TMPRSS4: variants seen among roughly 807,000 people sequenced by gnomAD.
TMPRSS4 encodes transmembrane protease serine 4.
A neutral mutation model predicts 56.4 loss-of-function variants in TMPRSS4; 45 were observed. That is an observed-to-expected ratio of 0.80 (90% CI 0.63 to 1.02). TMPRSS4 has a LOEUF of 1.02. Ranked by LOEUF, TMPRSS4 falls within the 50% of genes least tolerant of loss-of-function variation. TMPRSS4 has a pLI of 0.00. For missense variants in TMPRSS4, 546 were observed against 556.7 expected (o/e 0.98, Z 0.19); for synonymous variants, 205 against 211.0 (o/e 0.97, Z 0.25).
intron 10 of TMPRSS4, 53 bp downstream of exon 10, chr11:118,114,980 C>A: frequency 1.3e-6 from 2 of 1,557,066 alleles, no homozygotes; most frequent in Non-Finnish European, 8.7e-7. Flanking sequence ...TATGAGGGAG[C>A]AGCTTCCAGA....
chr11:118,112,824 C>CTTT (rs5795113), intron 8 of TMPRSS4, among the ~76,000 whole-genome samples: 11 of 128,452 alleles, frequency 8.6e-5, no homozygotes, highest in Admixed American at 1.6e-4. Context: ...TTTTTAACCA[C>CTTT]TTTTTTTTTT....
intron 1 of TMPRSS4, among the ~76,000 whole-genome samples, 199 bp from the exon 2 acceptor site, chr11:118,094,605 TTAAGTAAACTAA>T (rs1299118322): frequency 1.3e-5 from 2 of 152,214 alleles, no homozygotes; most frequent in Non-Finnish European, 2.9e-5. Flanking sequence ...TTGCTACTAG[TTAAGTAAACTAA>T]TAAGTAAACT....
chr11:118,119,329 G>A lies in TMPRSS4; in HGVS notation c.*1416G>A. ...CCTACATGAAGCAGGGATAACTGAT[G>A]GCAGTAAATGTGGTCTCAAATTGCA... is the stretch of plus-strand genomic sequence containing the variant. On this transcript the variant is annotated 3_prime_UTR_variant, in exon 13 of 13. Coordinates refer to ENST00000437212, the MANE Select transcript of TMPRSS4 (RefSeq NM_019894.4). The A allele has an allele frequency of 2.0e-6, 2 of 985,370 alleles. No homozygotes were observed. Among genetic ancestry groups the A allele is most frequent in the Non-Finnish European group, 1.2e-6 (1 of 829,922 alleles). The allele number at this position is 985,370 out of a possible 1,614,324, so 61.0% of individuals were successfully genotyped here. A position where few individuals can be genotyped will look rare whatever the true frequency, so the allele number is the denominator to read the frequency against.
At chr11:118,099,173 C>T (rs1301808489) in intron 3 of TMPRSS4, 75 bp downstream of exon 3, 158 of 1,244,584 alleles carry the variant, frequency 1.3e-4, no homozygotes, top group Non-Finnish European at 1.7e-4. Flanking sequence ...CGCACTCACC[C>T]CTGAATAAGT....
rs948369610 is a variant in TMPRSS4 at position 118,117,218 on chromosome 11, C to T, written c.1153-87C>T. Reference sequence around the variant, plus strand: ...GAGAGCAGCAGGGAGTGCAGGGGAACAGATAGGCCAGTTCAGGGAGCAGAG... The same window carrying T: ...GAGAGCAGCAGGGAGTGCAGGGGAATAGATAGGCCAGTTCAGGGAGCAGAG... On this transcript the variant is annotated intron_variant, in intron 11 of 12. Coordinates refer to ENST00000437212, the MANE Select transcript of TMPRSS4 (RefSeq NM_019894.4). 2.2e-6 allele frequency: 3 copies of T among 1,360,796 alleles called. No individual in the cohort carries two copies. In the African/African-American group the frequency reaches 4.3e-5, roughly 19 times the overall value. The allele number at this position is 1,360,796 out of a possible 1,614,324, so 84.3% of individuals were successfully genotyped here.
chr11:118,118,453 T>C lies in TMPRSS4; in HGVS notation c.*540T>C, dbSNP rs1947678831. ...TTATTAAAGAGCTGTGTAACATCTCTGGCATAGGCTAGCTGGAATGCTTGA... is the reference window on the plus strand; with the variant it reads ...TTATTAAAGAGCTGTGTAACATCTCCGGCATAGGCTAGCTGGAATGCTTGA... On this transcript the variant is annotated 3_prime_UTR_variant, in exon 13 of 13. Transcript: ENST00000437212. 1.8e-5 allele frequency: 18 copies of C among 986,734 alleles called. No individual in the cohort carries two copies. Among genetic ancestry groups the C allele is most frequent in the Non-Finnish European group, 2.2e-5 (18 of 830,912 alleles). 61.1% of individuals were successfully genotyped at this position (986,734 alleles called of 1,614,324 possible).
At chr11:118,086,848 G>C (rs1235344031) in intron 1 of TMPRSS4, 1 of 152,884 alleles carries the variant, frequency 6.5e-6, no homozygotes, top group Non-Finnish European at 1.5e-5. Context: ...GGACACAGCT[G>C]CTTGCCGTTG....
intron 1 of TMPRSS4, 28 bp downstream of exon 1, chr11:118,077,333 A>G: frequency 6.3e-7 from 1 of 1,589,018 alleles, no homozygotes; most frequent in South Asian, 1.1e-5. Flanking sequence ...TGCTCCCAAG[A>G]CACAGGAAGG....
At position 118,108,964 on chromosome 11, in the gene TMPRSS4, C is replaced by T. The variant is rs13377322; in HGVS notation, c.583+68C>T. 2.3e-3 allele frequency: 3,525 copies of T among 1,552,148 alleles called. 88 individuals carry two copies. In the African/African-American group the frequency reaches 0.043, roughly 19 times the overall value. On this transcript the variant is annotated intron_variant, in intron 7 of 12. Coordinates refer to ENST00000437212, the MANE Select transcript of TMPRSS4 (RefSeq NM_019894.4). The stretch of plus-strand genomic sequence containing the variant: ...AATGAGCAGGGAGGAAGACCTTCAT[C>T]TTCACTCCTAAATTTCTGGGACTCC...
At position 118,113,381 on chromosome 11, in the gene TMPRSS4, C is replaced by A. The variant is rs757761926; in HGVS notation, c.856C>A (p.Pro286Thr). The A allele has an allele frequency of 1.2e-6, 2 of 1,614,152 alleles. No individual in the cohort carries two copies. Among genetic ancestry groups the A allele is most frequent in the East Asian group, 4.5e-5 (2 of 44,878 alleles). The change falls in exon 9 of 13, where the codon CCC (proline) becomes ACC (threonine). Residue 286 changes from proline (P) to threonine (T), a missense_variant. Coordinates refer to ENST00000437212, the MANE Select transcript of TMPRSS4 (RefSeq NM_019894.4). ...IIIIEFNPMY[P>T]KDNDIALMKL... ...CATCATTGAATTCAACCCCATGTAC[C>A]CCAAAGACAATGACATCGCCCTCAT... is the stretch of plus-strand genomic sequence containing the variant.
rs756590933 is a variant in TMPRSS4, at chr11:118,111,934, C to T, written c.743+34C>T. 8.2e-6 allele frequency: 13 copies of T among 1,588,858 alleles called. No homozygotes were observed. In the African/African-American group the frequency reaches 1.4e-4, roughly 17 times the overall value. On this transcript the variant is annotated intron_variant, in intron 8 of 12. Transcript: ENST00000437212. ...CCAGCTGTAAGGAGGTCTCTGGGGA[C>T]CAAGGCCAGTCAGGGACCAGAGAGC...
intron 1 of TMPRSS4, among the ~76,000 whole-genome samples, chr11:118,081,457 G>A (rs979414364): frequency 6.6e-5 from 10 of 152,206 alleles, no homozygotes; most frequent in Admixed American, 5.2e-4. Context: ...ATGGAAAACC[G>A]CAACAGTCCT....
At chr11:118,105,103 C>G (rs901432112) in intron 5 of TMPRSS4, among the ~76,000 whole-genome samples, 2 of 151,742 alleles carry the variant, frequency 1.3e-5, no homozygotes, top group African/African-American at 4.9e-5. Context: ...ACACACACTT[C>G]TAGCGTCTAT....
chr11:118,107,528 C>T, intron 5 of TMPRSS4: 1 of 367,582 alleles, frequency 2.7e-6, no homozygotes, highest in Non-Finnish European at 4.9e-6. Flanking sequence ...TTTGGATTCC[C>T]CACCCAAGAA....
At chr11:118,122,707 C>T (rs1941636), downstream of TMPRSS4, among the ~76,000 whole-genome samples, 93,817 of 152,028 alleles carry the variant, frequency 0.62, 29,006 homozygotes, top group South Asian at 0.72. Flanking sequence ...AGATGAATGA[C>T]AGGAAGCCAT....
chr11:118,083,782 G>A (rs1289191110), intron 1 of TMPRSS4, among the ~76,000 whole-genome samples: 2 of 152,140 alleles, frequency 1.3e-5, no homozygotes, highest in Non-Finnish European at 2.9e-5. Flanking sequence ...TTGGCTGGGT[G>A]CAGTGGCTCA....
chr11:118,111,784 G>A lies in TMPRSS4; in HGVS notation c.627G>A (p.Glu209=), dbSNP rs371330521. The A allele has an allele frequency of 2.3e-5, 37 of 1,603,958 alleles. No homozygotes were observed. The African/African-American group carries it at 4.6e-4, about 20-fold the overall frequency. ...SLKTPRVVGV[E]EASVDSWPWQ... ...AGACCCCCCGTGTGGTGGGTGTGGAGGAGGCCTCTGTGGATTCTTGGCCTT... is the reference window on the plus strand; with the variant it reads ...AGACCCCCCGTGTGGTGGGTGTGGAAGAGGCCTCTGTGGATTCTTGGCCTT... The change falls in exon 8 of 13, where the codon GAG becomes GAA. Residue 209 remains glutamate, a synonymous_variant. Coordinates refer to ENST00000437212, the MANE Select transcript of TMPRSS4 (RefSeq NM_019894.4).
chr11:118,100,916 G>A (rs1043912079), intron 3 of TMPRSS4, among the ~76,000 whole-genome samples: 6 of 152,150 alleles, frequency 3.9e-5, no homozygotes, highest in Admixed American at 6.5e-5. Flanking sequence ...ATCCTGGGCC[G>A]GGTTCCCTCA....
At chr11:118,116,076 C>A (rs1947533073) in intron 11 of TMPRSS4, among the ~76,000 whole-genome samples, 1 of 152,200 alleles carries the variant, frequency 6.6e-6, no homozygotes, top group African/African-American at 2.4e-5. Flanking sequence ...CTTCCTCCCC[C>A]ATACTTCCAG....
Sources: allele counts gnomAD v4.1 joint callset (sites outside exome capture counted in the v4.1 genomes callset), GRCh38; gene constraint gnomAD v4.1.1; transcripts MANE v1.5; gene names NCBI Gene and HGNC (gene_info 2026-07-23, HGNC 2026-07-21).